The following VCAM1 variants were observed in gnomAD, a reference collection of about 807,000 sequenced individuals.
VCAM1 encodes vascular cell adhesion protein 1.
A neutral mutation model predicts 63.8 loss-of-function variants in VCAM1; 41 were observed. That is an observed-to-expected ratio of 0.64 (90% CI 0.50 to 0.83). The LOEUF is 0.83. Among genes scored for constraint, VCAM1 ranks in the 40% least tolerant of loss-of-function variants. The probability of loss-of-function intolerance (pLI) is 0.00; values close to 1 mark genes in which losing one functional copy is unlikely to be tolerated. For synonymous variants in VCAM1, 338 were observed against 320.7 expected, an observed-to-expected ratio of 1.05 and a Z score of -0.58; for missense variants, 798 against 875.5, an observed-to-expected ratio of 0.91 and a Z score of 1.12.
At chr1:100,721,116 A>T (rs887033318) in intron 2 of VCAM1, among the ~76,000 whole-genome samples, 3 of 152,126 alleles carry the variant, frequency 2.0e-5, no homozygotes, top group African/African-American at 7.2e-5. Flanking sequence ...TGATTGATTT[A>T]TGAATTCCAT....
chr1:100,722,845 C>A (rs1660001551), intron 2 of VCAM1, among the ~76,000 whole-genome samples, 175 bp from the exon 3 acceptor site: 1 of 152,026 alleles, frequency 6.6e-6, no homozygotes, highest in South Asian at 2.1e-4. Context: ...ATGTTTGCTT[C>A]CAATTCTTGT....
At chr1:100,732,212 A>T (rs1053424306) in intron 6 of VCAM1, among the ~76,000 whole-genome samples, 1 of 152,320 alleles carries the variant, frequency 6.6e-6, no homozygotes, top group African/African-American at 2.4e-5. Context: ...TACTTCCATT[A>T]GAAAACACCA....
In VCAM1 at chr1:100,723,240, G is replaced by A. The variant is rs762763990; in HGVS notation, c.561G>A (p.Glu187=). ...AAGTAACCTTTACTCCTGTCATTGA[G>A]GATATTGGAAAAGTTCTTGTTTGCC... ...SLEVTFTPVI[E]DIGKVLVCRA... Residue 187 remains glutamate (E), a synonymous_variant, in exon 3 of 9, where the codon GAG becomes GAA. Coordinates refer to ENST00000294728, the MANE Select transcript of VCAM1 (RefSeq NM_001078.4). 4.3e-6 allele frequency: 7 copies of A among 1,613,090 alleles called. No homozygotes were observed. The Admixed American group carries it at 8.4e-5, about 19-fold the overall frequency.
At position 100,731,321 on chromosome 1, in the gene VCAM1, G is replaced by C; in HGVS notation, c.1328G>C (p.Gly443Ala). 1.2e-6 allele frequency: 2 copies of C among 1,613,792 alleles called. No homozygotes were observed. The highest frequency in any genetic ancestry group is 1.7e-6 in the Non-Finnish European group (2 of 1,179,838). The change falls in exon 6 of 9, where the codon GGG (glycine) becomes GCG (alanine). Residue 443 changes from glycine to alanine, a missense_variant. Transcript: ENST00000294728. This position sits in a 1 kb window ranked among gnomAD's most constrained non-coding sequence, Gnocchi z 4.2. The stretch of plus-strand genomic sequence containing the variant: ...CGGCTGGAGATTGAATTACTTAAGG[G>C]GGAGACTATTCTGGAGAATATAGAG... ...LDRLEIELLK[G>A]ETILENIEFL...
chr1:100,737,331 T>G (rs1006469823), intron 8 of VCAM1: 1 of 152,098 alleles, frequency 6.6e-6, no homozygotes, highest in African/African-American at 2.4e-5. Context: ...GAAACTAAAC[T>G]TAATAAGTAA....
chr1:100,730,627 G>T (rs1217330117), intron 5 of VCAM1, among the ~76,000 whole-genome samples: 1 of 152,134 alleles, frequency 6.6e-6, no homozygotes, highest in African/African-American at 2.4e-5. Flanking sequence ...GCACAGCTCT[G>T]TAAAACCAAA....
rs1442149659 is a variant in VCAM1, at chr1:100,724,837, A to G, written c.875A>G (p.Glu292Gly). ...RMEDSGIYVC[E>G]GVNLIGKNRK... ...GAAGATTCTGGAATTTATGTGTGTG[A>G]AGGAGTTAATTTGATTGGGAAAAAC... Residue 292 changes from glutamate (E) to glycine (G), a missense_variant, in exon 4 of 9, where the codon GAA becomes GGA. By Grantham distance (98) the Glu-to-Gly change is moderately conservative. Transcript: ENST00000294728. The G allele has an allele frequency of 6.2e-7, 1 of 1,612,936 alleles. No homozygotes were observed. Among genetic ancestry groups the G allele is most frequent in the South Asian group, 1.1e-5 (1 of 91,040 alleles).
rs749984826 is a variant in VCAM1 at position 100,723,077 on chromosome 1, T to A, written c.398T>A (p.Ile133Asn). The change falls in exon 3 of 9, where the codon ATC becomes AAC. Residue 133 changes from isoleucine to asparagine, a missense_variant. Physicochemically the swap from Ile to Asn is moderately radical, Grantham distance 149. Coordinates refer to ENST00000294728, the MANE Select transcript of VCAM1 (RefSeq NM_001078.4). ...GGCCCTCTGGAGGCTGGGAAGCCGATCACAGTCAAGTGTTCAGTTGCTGAT... is the reference window on the plus strand; with the variant it reads ...GGCCCTCTGGAGGCTGGGAAGCCGAACACAGTCAAGTGTTCAGTTGCTGAT... ...LSGPLEAGKPITVKCSVADVY... is the reference protein window; with the variant it reads ...LSGPLEAGKPNTVKCSVADVY... 1.4e-5 allele frequency: 22 copies of A among 1,612,766 alleles called. No homozygotes were observed. The highest frequency in any genetic ancestry group is 1.8e-5 in the Non-Finnish European group (21 of 1,179,364).
Position 100,732,410 on chromosome 1 carries a change from C to A in VCAM1, c.1526-8C>A, listed in dbSNP as rs185674436. On this transcript the variant is annotated splice_region_variant and splice_polypyrimidine_tract_variant and intron_variant, in intron 6 of 8. Transcript: ENST00000294728. ...AGGTCAAGCTAACAAGCGTCTCTGC[C>A]TTTTCAGTTGCCCCCAGAGATACAA... 8.7e-5 allele frequency: 134 copies of A among 1,541,480 alleles called. No individual in the cohort carries two copies. In the African/African-American group the frequency reaches 1.7e-3, roughly 19 times the overall value.
intron 1 of VCAM1, among the ~76,000 whole-genome samples, chr1:100,720,133 G>C (rs568587697): frequency 6.6e-6 from 1 of 152,122 alleles, no homozygotes; most frequent in East Asian, 1.9e-4. Flanking sequence ...TGATGTTTTT[G>C]GTATCTTTTT....
intron 8 of VCAM1, chr1:100,737,687 T>C (rs562547084): frequency 4.6e-5 from 7 of 153,320 alleles, no homozygotes; most frequent in African/African-American, 1.7e-4. Flanking sequence ...CTGAATATTA[T>C]AAGGATTTTC....
chr1:100,735,830 G>C (rs1044443211), intron 8 of VCAM1: 1 of 152,166 alleles, frequency 6.6e-6, no homozygotes, highest in Non-Finnish European at 1.5e-5. Context: ...TGATTATCCT[G>C]AAAAGAATTG....
At chr1:100,730,564 AT>A (rs374227435) in intron 5 of VCAM1, among the ~76,000 whole-genome samples, 38 of 152,258 alleles carry the variant, frequency 2.5e-4, no homozygotes, top group African/African-American at 9.1e-4. Flanking sequence ...GGTCATTAAA[AT>A]TTAAACTAAG....
intron 8 of VCAM1, 99 bp from the exon 9 acceptor site, chr1:100,738,024 G>A (rs1446597253): frequency 7.6e-7 from 1 of 1,317,632 alleles, no homozygotes; most frequent in African/African-American, 1.5e-5. Context: ...CTTCTCTTTG[G>A]AGAACTAGTT....
At chr1:100,734,415 G>T in intron 7 of VCAM1, 87 bp from the exon 8 acceptor site, 1 of 1,409,496 alleles carries the variant, frequency 7.1e-7, no homozygotes, top group Non-Finnish European at 9.6e-7. Context: ...AATAGCTCCA[G>T]GGAAGCTATT....
chr1:100,720,634 G>T lies in VCAM1; in HGVS notation c.223G>T (p.Gly75Trp). The T allele has an allele frequency of 6.2e-7, 1 of 1,613,178 alleles. No homozygotes were observed. Among genetic ancestry groups the T allele is most frequent in the Non-Finnish European group, 8.5e-7 (1 of 1,179,534 alleles). ...SPLNGKVTNE[G>W]TTSTLTMNPV... ...ACTGAATGGGAAGGTGACGAATGAG[G>T]GGACCACATCTACGCTGACAATGAA... Residue 75 changes from glycine to tryptophan, a missense_variant, in exon 2 of 9, where the codon GGG (glycine) becomes TGG (tryptophan). Gly to Trp is a radical substitution (Grantham distance 184, BLOSUM62 -2). Coordinates refer to ENST00000294728, the MANE Select transcript of VCAM1 (RefSeq NM_001078.4).
rs1391459555 is a variant in VCAM1 at position 100,734,673 on chromosome 1, T to C, written c.1964T>C (p.Ile655Thr). Residue 655 changes from isoleucine (I) to threonine (T), a missense_variant, in exon 8 of 9, where the codon ATC becomes ACC. Coordinates refer to ENST00000294728, the MANE Select transcript of VCAM1 (RefSeq NM_001078.4). ...VLKSIDGAYT[I>T]RKAQLKDAGV... ...AAATCTATAGATGGCGCCTATACCATCCGAAAGGCCCAGTTGAAGGATGCG... is the reference window on the plus strand; with the variant it reads ...AAATCTATAGATGGCGCCTATACCACCCGAAAGGCCCAGTTGAAGGATGCG... 6.2e-7 allele frequency: 1 copy of C among 1,613,980 alleles called. No individual in the cohort carries two copies. The highest frequency in any genetic ancestry group is 1.1e-5 in the South Asian group (1 of 91,074).
At chr1:100,734,410 C>A in intron 7 of VCAM1, 92 bp from the exon 8 acceptor site, 1 of 1,379,710 alleles carries the variant, frequency 7.2e-7, no homozygotes, top group Non-Finnish European at 9.8e-7. Flanking sequence ...GCACAAATAG[C>A]TCCAGGGAAG....
chr1:100,733,573 C>A lies in VCAM1; in HGVS notation c.1792+889C>A, dbSNP rs924620515. On this transcript the variant is annotated intron_variant, in intron 7 of 8. Coordinates refer to ENST00000294728, the MANE Select transcript of VCAM1 (RefSeq NM_001078.4). ...CTTGGATGGGGAAAGAATTTCAAAT[C>A]AACTTACAAAATAGAAGACCTTAAT... 3.3e-5 allele frequency among the ~76,000 whole-genome samples: 5 copies of A among 152,100 alleles called. 1 individual carries two copies. Among genetic ancestry groups the A allele is most frequent in the African/African-American group, 1.2e-4 (5 of 41,412 alleles).
Sources: allele counts gnomAD v4.1 joint callset (sites outside exome capture counted in the v4.1 genomes callset), GRCh38; gene constraint gnomAD v4.1.1; non-coding constraint Gnocchi (gnomAD v3.1); transcripts MANE v1.5; gene names NCBI Gene and HGNC (gene_info 2026-07-23, HGNC 2026-07-21).